The following ADAMTS18 variants were observed in gnomAD, a reference collection of about 807,000 sequenced individuals.
ADAMTS18 encodes the protein A disintegrin and metalloproteinase with thrombospondin motifs 18.
In ADAMTS18, 157 loss-of-function variants were observed where a neutral mutation model predicts 165.9. The observed-to-expected ratio is 0.95, with a 90% confidence interval of 0.83 to 1.08. ADAMTS18 has a LOEUF of 1.08. ADAMTS18 is among the 50% of genes least tolerant of loss of function. The pLI, the probability that ADAMTS18 is intolerant of heterozygous loss-of-function variation, is 0.00. For missense variants in ADAMTS18, 2,040 were observed against 1,534.0 expected (o/e 1.33, Z -5.51); for synonymous variants, 782 against 578.2 (o/e 1.35, Z -5.06).
intron 10 of ADAMTS18, among the ~76,000 whole-genome samples, chr16:77,346,556 T>C (rs2144698311): frequency 6.6e-6 from 1 of 152,310 alleles, no homozygotes; most frequent in Non-Finnish European, 1.5e-5. Context: ...TATTTCATTG[T>C]ATCATCATTG....
At chr16:77,305,031 A>C (rs1305909303) in intron 16 of ADAMTS18, among the ~76,000 whole-genome samples, 1 of 152,242 alleles carries the variant, frequency 6.6e-6, no homozygotes, top group African/African-American at 2.4e-5. Flanking sequence ...ATATTTGTAC[A>C]AACCAGCAGA....
Position 77,416,490 on chromosome 16 carries a change from G to C in ADAMTS18, c.495+14805C>G, listed in dbSNP as rs927489390. On this transcript the variant is annotated intron_variant, in intron 3 of 22. Transcript: ENST00000282849. The stretch of plus-strand genomic sequence containing the variant: ...TTCCCCATACTGTTCTCATGGTAGT[G>C]AGTAAGACTCAGGAGATCTGATGGT... Among the ~76,000 whole-genome samples, 80 of 152,130 alleles carry C rather than the reference G, an allele frequency of 5.3e-4. 1 individual carries two copies. The highest frequency in any genetic ancestry group is 1.9e-3 in the African/African-American group (77 of 41,410).
Position 77,349,653 on chromosome 16 carries a change from G to A in ADAMTS18, c.1614+4080C>T, listed in dbSNP as rs556456234. ...AATTTCCCGCCATTTCCCCTTTAAA[G>A]TTGGAGCCCTCAAAATCATCTTCAG... On this transcript the variant is annotated intron_variant, in intron 10 of 22. Coordinates refer to ENST00000282849, the MANE Select transcript of ADAMTS18 (RefSeq NM_199355.4). Among the ~76,000 whole-genome samples, 24 of 150,450 alleles carry A rather than the reference G, an allele frequency of 1.6e-4. No individual in the cohort carries two copies. The South Asian group carries it at 3.2e-3, about 20-fold the overall frequency.
chr16:77,388,529 G>C (rs771528624), intron 3 of ADAMTS18, among the ~76,000 whole-genome samples: 28 of 152,202 alleles, frequency 1.8e-4, no homozygotes, highest in Non-Finnish European at 4.0e-4. Flanking sequence ...TGCTTGTAAG[G>C]CGTGTGAACT....
At chr16:77,401,538 G>A (rs1347556941) in intron 3 of ADAMTS18, among the ~76,000 whole-genome samples, 2 of 152,194 alleles carry the variant, frequency 1.3e-5, no homozygotes, top group Non-Finnish European at 2.9e-5. Context: ...CAGAGCCTCA[G>A]TCACTGTAGT....
intron 21 of ADAMTS18, chr16:77,290,548 A>G (rs574615273): frequency 6.5e-6 from 1 of 152,784 alleles, no homozygotes; most frequent in South Asian, 2.1e-4. Context: ...CCTCCCAGAT[A>G]GATAACGTAC....
chr16:77,368,350 A>G (rs527891112), intron 3 of ADAMTS18, among the ~76,000 whole-genome samples: 1 of 152,004 alleles, frequency 6.6e-6, no homozygotes, highest in Admixed American at 6.6e-5. Context: ...GACCTGGCAG[A>G]TGCCATGTTC....
intron 13 of ADAMTS18, among the ~76,000 whole-genome samples, chr16:77,324,818 G>A (rs985882679): frequency 7.2e-5 from 11 of 152,124 alleles, no homozygotes; most frequent in Non-Finnish European, 1.3e-4. Flanking sequence ...AATGTAAGTC[G>A]TTTCTCATGT....
intron 3 of ADAMTS18, among the ~76,000 whole-genome samples, chr16:77,379,830 C>T (rs1284261545): frequency 9.9e-5 from 15 of 152,138 alleles, no homozygotes; most frequent in Admixed American, 9.8e-4. Context: ...CCCTCCCCTT[C>T]CCAGTGAACA....
At chr16:77,358,486 C>T (rs1043390006) in intron 8 of ADAMTS18, among the ~76,000 whole-genome samples, 9 of 152,096 alleles carry the variant, frequency 5.9e-5, no homozygotes, top group African/African-American at 1.4e-4. Context: ...CACTTGAACC[C>T]GGGAGGCGGA....
chr16:77,291,139 C>A lies in ADAMTS18; in HGVS notation c.3402+127G>T, dbSNP rs2055354094. 5 of 1,056,176 alleles carry A rather than the reference C, an allele frequency of 4.7e-6. No individual in the cohort carries two copies. In the Admixed American group the frequency reaches 8.0e-5, roughly 17 times the overall value. The allele number at this position is 1,056,176 out of a possible 1,614,324, so 65.4% of individuals were successfully genotyped here. On this transcript the variant is annotated intron_variant, in intron 21 of 22. Transcript: ENST00000282849. ...CAAAGAACAAAACCCATTCTGCCTT[C>A]AGAACTTGAGCCCTTAGTTGTTTTT... is the stretch of plus-strand genomic sequence containing the variant.
At chr16:77,291,766 G>A (rs79948151) in intron 20 of ADAMTS18, among the ~76,000 whole-genome samples, 7 of 152,308 alleles carry the variant, frequency 4.6e-5, no homozygotes, top group South Asian at 4.1e-4. Flanking sequence ...GGTGTGAGAT[G>A]GAGTCCAGGA....
intron 15 of ADAMTS18, among the ~76,000 whole-genome samples, chr16:77,320,860 C>T (rs936510373): frequency 6.6e-6 from 1 of 152,154 alleles, no homozygotes; most frequent in African/African-American, 2.4e-5. Context: ...ACTAAAAATG[C>T]AAAGCAGAAA....
intron 9 of ADAMTS18, among the ~76,000 whole-genome samples, chr16:77,354,579 A>T (rs1256518224): frequency 6.6e-6 from 1 of 152,098 alleles, no homozygotes; most frequent in Non-Finnish European, 1.5e-5. Context: ...GTTAATTATC[A>T]TGGTGGTTAA....
At chr16:77,342,780 G>A (rs930193614) in intron 10 of ADAMTS18, among the ~76,000 whole-genome samples, 5 of 152,192 alleles carry the variant, frequency 3.3e-5, no homozygotes, top group African/African-American at 1.2e-4. Context: ...TAAAGTTACA[G>A]ATGCAATTGA....
rs200775058 is a variant in ADAMTS18, at chr16:77,293,225, G to A, written c.3040C>T (p.Arg1014Cys). The A allele has an allele frequency of 4.1e-4, 658 of 1,613,404 alleles. 3 individuals are homozygous for A. Among genetic ancestry groups the A allele is most frequent in the Admixed American group, 8.0e-4 (48 of 59,914 alleles). The change falls in exon 20 of 23, where the codon CGT becomes TGT. Residue 1014 changes from arginine to cysteine, a missense_variant. Coordinates refer to ENST00000282849, the MANE Select transcript of ADAMTS18 (RefSeq NM_199355.4). ...GCAGAGCCCTTGCAGAGGAGTTCAC[G>A]CTTCCTCACCCCTCGTCCACAGGTC... ...SKTCGRGVRK[R>C]ELLCKGSAAE...
chr16:77,331,810 A>G (rs1410852912), intron 12 of ADAMTS18, among the ~76,000 whole-genome samples: 1 of 152,192 alleles, frequency 6.6e-6, no homozygotes, highest in Non-Finnish European at 1.5e-5. Context: ...GAAAAGCTCT[A>G]TTTTAGCCTG....
chr16:77,384,140 A>G (rs867130707), intron 3 of ADAMTS18, among the ~76,000 whole-genome samples: 1 of 152,134 alleles, frequency 6.6e-6, no homozygotes, highest in South Asian at 2.1e-4. Context: ...TATTTTTGGT[A>G]TTAATCAACT....
intron 11 of ADAMTS18, among the ~76,000 whole-genome samples, chr16:77,340,614 T>C (rs940353576): frequency 3.3e-5 from 5 of 152,132 alleles, no homozygotes; most frequent in Non-Finnish European, 5.9e-5. Flanking sequence ...AGGGCCTAGC[T>C]CTGTGGCCCA....
Sources: gnomAD v4.1 joint callset for allele counts (sites outside exome capture counted in the v4.1 genomes callset) on GRCh38, gnomAD v4.1.1 for gene constraint, MANE v1.5 for transcripts, NCBI Gene and HGNC (gene_info 2026-07-23, HGNC 2026-07-21) for gene names.